The following CACHD1 variants were observed in gnomAD, a reference collection of about 807,000 sequenced individuals.
CACHD1 encodes VWFA and cache domain-containing protein 1.
In CACHD1, 71 loss-of-function variants were observed where a neutral mutation model predicts 138.7. The ratio of observed to expected loss-of-function variants is 0.51; its 90% CI spans 0.42 to 0.62. The LOEUF (loss-of-function observed/expected upper bound fraction) is 0.62. Among genes scored for constraint, CACHD1 ranks in the 20% least tolerant of loss-of-function variants. CACHD1 has a pLI of 0.00. For synonymous variants in CACHD1, 578 were observed against 591.5 expected, an observed-to-expected ratio of 0.98 and a Z score of 0.33; for missense variants, 1,389 against 1,625.3, an observed-to-expected ratio of 0.85 and a Z score of 2.50.
chr1:64,677,374 C>G (rs1288442515), intron 22 of CACHD1, among the ~76,000 whole-genome samples: 1 of 152,174 alleles, frequency 6.6e-6, no homozygotes, highest in Non-Finnish European at 1.5e-5. Flanking sequence ...GGAAACACAT[C>G]TGCTTCATGA....
chr1:64,522,546 G>T (rs1031045299), intron 1 of CACHD1, among the ~76,000 whole-genome samples: 1 of 126,490 alleles, frequency 7.9e-6, no homozygotes, highest in South Asian at 3.0e-4. Context: ...CAAGTGATCC[G>T]CCTGCCCGCT....
intron 16 of CACHD1, among the ~76,000 whole-genome samples, chr1:64,667,240 T>C (rs1309233554): frequency 6.6e-6 from 1 of 152,226 alleles, no homozygotes; most frequent in Non-Finnish European, 1.5e-5. Context: ...GTACCTGTAA[T>C]GATGCCTTAA....
At chr1:64,590,154 AAAAC>A (rs1426144170) in intron 3 of CACHD1, among the ~76,000 whole-genome samples, 2 of 151,976 alleles carry the variant, frequency 1.3e-5, no homozygotes, top group African/African-American at 2.4e-5. Flanking sequence ...AAAAACAAAC[AAAAC>A]AAACAAACAA....
At chr1:64,665,272 T>C (rs1446995726) in intron 15 of CACHD1, among the ~76,000 whole-genome samples, 1 of 151,012 alleles carries the variant, frequency 6.6e-6, no homozygotes, top group African/African-American at 2.4e-5. Context: ...CTGGGTAACA[T>C]AGTGAAACCC....
intron 5 of CACHD1, among the ~76,000 whole-genome samples, chr1:64,631,199 A>G (rs1648291480): frequency 2.0e-5 from 3 of 152,254 alleles, no homozygotes; most frequent in African/African-American, 4.8e-5. Flanking sequence ...ATTTATGTGA[A>G]TTGAATTTTA....
chr1:64,660,834 C>A (rs1475943952), intron 13 of CACHD1, among the ~76,000 whole-genome samples: 1 of 152,190 alleles, frequency 6.6e-6, no homozygotes, highest in Non-Finnish European at 1.5e-5. Context: ...CCACTTTTTG[C>A]TTTTCTTAAT....
chr1:64,487,259 C>T (rs867002539), intron 1 of CACHD1, among the ~76,000 whole-genome samples: 1 of 152,120 alleles, frequency 6.6e-6, no homozygotes, highest in African/African-American at 2.4e-5. Flanking sequence ...TCTGTCACCC[C>T]CTGGCTGTCA....
intron 20 of CACHD1, 112 bp from the exon 21 acceptor site, chr1:64,675,785 T>C (rs1223014039): frequency 1.6e-5 from 12 of 741,920 alleles, no homozygotes; most frequent in Non-Finnish European, 2.5e-5. Context: ...AACTTCTTTT[T>C]TACTATTCTT....
chr1:64,470,255 T>G lies in CACHD1; in HGVS notation c.-490T>G, dbSNP rs1646133958. On this transcript the variant is annotated 5_prime_UTR_variant, in exon 1 of 27. Coordinates refer to ENST00000651257, the MANE Select transcript of CACHD1 (RefSeq NM_020925.4). The surrounding 1 kb of genome is among the most constrained non-coding windows in gnomAD (Gnocchi z 5.2). ...CCTCCCCTTTCCCTCCTCGCTCGGG[T>G]GGCTGCCCCAGTCTCGCAGCCCGGC... 6.6e-6 allele frequency among the ~76,000 whole-genome samples: 1 copy of G among 151,854 alleles called. No homozygotes were observed. The highest frequency in any genetic ancestry group is 2.4e-5 in the African/African-American group (1 of 41,442).
chr1:64,549,422 A>G (rs1470363258), intron 1 of CACHD1, among the ~76,000 whole-genome samples: 3 of 152,168 alleles, frequency 2.0e-5, no homozygotes, highest in East Asian at 1.9e-4. Context: ...GGGAGGCACC[A>G]TGATTTGTAA....
chr1:64,630,037 A>C (rs979774248), intron 5 of CACHD1, among the ~76,000 whole-genome samples: 1 of 152,208 alleles, frequency 6.6e-6, no homozygotes, highest in Admixed American at 6.5e-5. Flanking sequence ...AAGGGCAATA[A>C]TGGTGAGATA....
chr1:64,643,628 AG>A (rs1648803833), intron 8 of CACHD1, among the ~76,000 whole-genome samples: 1 of 152,170 alleles, frequency 6.6e-6, no homozygotes, highest in South Asian at 2.1e-4. Context: ...CGAGGTCAGG[AG>A]ATCAAGACCA....
intron 5 of CACHD1, among the ~76,000 whole-genome samples, chr1:64,632,212 C>T (rs1488289081): frequency 7.3e-6 from 1 of 137,312 alleles, no homozygotes; most frequent in African/African-American, 2.9e-5. Context: ...TTAAGCTGTG[C>T]AGAAAGCATT....
intron 1 of CACHD1, among the ~76,000 whole-genome samples, chr1:64,483,654 G>C (rs1448446942): frequency 7.0e-6 from 1 of 143,600 alleles, no homozygotes; most frequent in Admixed American, 7.0e-5. Flanking sequence ...GACCAGTGTA[G>C]GCAACATGGT....
chr1:64,626,389 A>T (rs1648102180), intron 4 of CACHD1, among the ~76,000 whole-genome samples: 2 of 152,268 alleles, frequency 1.3e-5, no homozygotes, highest in South Asian at 4.1e-4. Context: ...TGCTACTGGC[A>T]GAAAGACCTC....
At chr1:64,512,393 C>CAAAAAAAAAAAAAAAAAAAAA (rs551616431) in intron 1 of CACHD1, among the ~76,000 whole-genome samples, 5 of 78,598 alleles carry the variant, frequency 6.4e-5, no homozygotes, top group African/African-American at 3.2e-4. Context: ...GACTGTGTCT[C>CAAAAAAAAAAAAAAAAAAAAA]AAAAAAAAAA....
intron 9 of CACHD1, among the ~76,000 whole-genome samples, chr1:64,649,183 G>A (rs1649009964): frequency 1.3e-5 from 2 of 152,040 alleles, no homozygotes; most frequent in East Asian, 3.9e-4. Context: ...GAAGAAATAA[G>A]CCAACTGCCA....
chr1:64,645,981 G>T (rs1223683702), intron 8 of CACHD1, among the ~76,000 whole-genome samples: 1 of 152,056 alleles, frequency 6.6e-6, no homozygotes, highest in African/African-American at 2.4e-5. Context: ...GTTGATAATA[G>T]GCAACCCAGC....
chr1:64,546,893 T>G (rs1276914811), intron 1 of CACHD1, among the ~76,000 whole-genome samples: 1 of 152,168 alleles, frequency 6.6e-6, no homozygotes, highest in Non-Finnish European at 1.5e-5. Context: ...GGACAATATA[T>G]CTTGCTTAAA....
Sources: gnomAD v4.1 joint callset for allele counts (sites outside exome capture counted in the v4.1 genomes callset) on GRCh38, gnomAD v4.1.1 for gene constraint, Gnocchi (gnomAD v3.1) non-coding constraint, MANE v1.5 for transcripts, NCBI Gene and HGNC (gene_info 2026-07-23, HGNC 2026-07-21) for gene names.